The following MRTFB variants were observed in gnomAD, a reference collection of about 807,000 sequenced individuals.
The protein encoded by MRTFB is myocardin-related transcription factor B.
In MRTFB, 29 loss-of-function variants were observed where a neutral mutation model predicts 104.2. The ratio of observed to expected loss-of-function variants is 0.28; its 90% CI spans 0.21 to 0.38. The LOEUF (loss-of-function observed/expected upper bound fraction) is 0.38, where lower values mean the gene tolerates loss of function less well. Among genes scored for constraint, MRTFB ranks in the 10% least tolerant of loss-of-function variants. The pLI is 1.00. For synonymous variants in MRTFB, 535 were observed against 519.5 expected, an observed-to-expected ratio of 1.03 and a Z score of -0.41; for missense variants, 1,270 against 1,341.6, an observed-to-expected ratio of 0.95 and a Z score of 0.83.
In MRTFB at chr16:14,247,218, C is replaced by T. The variant is rs1293272338; in HGVS notation, c.1958C>T (p.Pro653Leu). Residue 653 changes from proline to leucine, a missense_variant, in exon 12 of 17, where the codon CCC becomes CTC. This residue lies in a region of MRTFB where 1,144 missense variants were observed against 1,131.5 expected (regional missense o/e 1.01). Transcript: ENST00000571589. ...SLPDCSSSRQ[P>L]IPVASHAVGQ... The stretch of plus-strand genomic sequence containing the variant: ...CCTGACTGCTCCAGCTCCAGGCAGC[C>T]CATCCCAGTAGCCAGCCACGCTGTA... The T allele has an allele frequency of 1.2e-6, 2 of 1,614,194 alleles. No individual in the cohort carries two copies. The highest frequency in any genetic ancestry group is 8.5e-7 in the Non-Finnish European group (1 of 1,180,048).
chr16:14,121,938 T>C (rs1455528204), intron 2 of MRTFB, among the ~76,000 whole-genome samples: 4 of 152,244 alleles, frequency 2.6e-5, no homozygotes, highest in Admixed American at 1.3e-4. Flanking sequence ...GAGTAGCTAC[T>C]GTATGGTACA....
At chr16:14,187,141 C>T (rs370031766) in intron 3 of MRTFB, 1 of 859,820 alleles carries the variant, frequency 1.2e-6, no homozygotes. Flanking sequence ...TCTCTGTTCA[C>T]TCATGTACCT....
rs142379759 is a variant in MRTFB, at chr16:14,197,855, G to A, written c.155-12388G>A. Reference sequence around the variant, plus strand: ...TATGGTGGTGAGAGGGGCCAGCCAGGGGTGGGTAGGAAATAAGAAATGTGA... The same window carrying A: ...TATGGTGGTGAGAGGGGCCAGCCAGAGGTGGGTAGGAAATAAGAAATGTGA... On this transcript the variant is annotated intron_variant, in intron 3 of 16. Transcript: ENST00000571589. 4.7e-3 allele frequency among the ~76,000 whole-genome samples: 718 copies of A among 152,250 alleles called. 2 individuals carry two copies. The highest frequency in any genetic ancestry group is 7.7e-3 in the Non-Finnish European group (525 of 68,018).
At chr16:14,259,608 G>A (rs1162516176) in intron 16 of MRTFB, among the ~76,000 whole-genome samples, 2 of 152,080 alleles carry the variant, frequency 1.3e-5, no homozygotes. Context: ...CAATTAGCTG[G>A]GCATGGTGGA....
Position 14,249,091 on chromosome 16 carries a change from T to G in MRTFB, c.2403+10T>G, listed in dbSNP as rs752824216. On this transcript the variant is annotated intron_variant, in intron 13 of 16. Coordinates refer to ENST00000571589, the MANE Select transcript of MRTFB (RefSeq NM_001308142.2). ...TCAACAAGTCAGAAAGGTTTGTAAA[T>G]GCCAAGGAGCAATAGAATGTCGCTG... is the stretch of plus-strand genomic sequence containing the variant. 6.2e-7 allele frequency: 1 copy of G among 1,612,778 alleles called. No individual in the cohort carries two copies. The highest frequency in any genetic ancestry group is 8.5e-7 in the Non-Finnish European group (1 of 1,179,646).
chr16:14,216,361 T>C (rs1372468585), intron 6 of MRTFB, among the ~76,000 whole-genome samples: 1 of 152,256 alleles, frequency 6.6e-6, no homozygotes, highest in Non-Finnish European at 1.5e-5. Flanking sequence ...CATCATTATT[T>C]TTCATCATTT....
chr16:14,090,908 G>GTGTGTGTA (rs2035020920), intron 2 of MRTFB, among the ~76,000 whole-genome samples: 2 of 151,838 alleles, frequency 1.3e-5, no homozygotes, highest in Admixed American at 6.6e-5. Context: ...GTGTGTGTGT[G>GTGTGTGTA]TGTGTGTGTG....
At chr16:14,110,876 C>G (rs2036236113) in intron 2 of MRTFB, among the ~76,000 whole-genome samples, 1 of 152,166 alleles carries the variant, frequency 6.6e-6, no homozygotes. Context: ...CTGTCCCGTC[C>G]CATCTCATGC....
At chr16:14,181,835 T>C (rs533124430) in intron 3 of MRTFB, among the ~76,000 whole-genome samples, 272 of 152,318 alleles carry the variant, frequency 1.8e-3, no homozygotes, top group Non-Finnish European at 3.2e-3. Flanking sequence ...CTGAAGACTT[T>C]CTTGGATTGT....
In MRTFB at chr16:14,140,768, C is replaced by A. The variant is rs1884869903; in HGVS notation, c.154+8C>A. 1 of 1,614,006 alleles carries A rather than the reference C, an allele frequency of 6.2e-7. No individual in the cohort carries two copies. On this transcript the variant is annotated splice_region_variant and intron_variant, in intron 3 of 16. Coordinates refer to ENST00000571589, the MANE Select transcript of MRTFB (RefSeq NM_001308142.2). ...TGAACGAAAGGAAAAATGGTGAGTTCAGCATGTGCAATGGGATCTTTGATT... is the reference window on the plus strand; with the variant it reads ...TGAACGAAAGGAAAAATGGTGAGTTAAGCATGTGCAATGGGATCTTTGATT...
the MRTFB span, among the ~76,000 whole-genome samples, chr16:13,998,710 A>G: frequency 6.6e-6 from 1 of 151,390 alleles, no homozygotes; most frequent in Admixed American, 6.6e-5. Context: ...AAGAAGGAAG[A>G]CAGAAGACAG....
the MRTFB span, among the ~76,000 whole-genome samples, chr16:14,018,048 C>T: frequency 6.4e-4 from 97 of 151,958 alleles, no homozygotes; most frequent in African/African-American, 2.3e-3. Flanking sequence ...ATGAAAGCTT[C>T]CTTTCCAAGA....
the MRTFB span, among the ~76,000 whole-genome samples, chr16:14,019,763 C>T: frequency 2.6e-5 from 4 of 152,122 alleles, no homozygotes; most frequent in African/African-American, 4.8e-5. Flanking sequence ...CTGCGAACAG[C>T]GTTAATCGAT....
chr16:14,118,846 CTG>C (rs2036685644), intron 2 of MRTFB, among the ~76,000 whole-genome samples: 2 of 151,830 alleles, frequency 1.3e-5, no homozygotes, highest in African/African-American at 2.4e-5. Flanking sequence ...TGGTATCATA[CTG>C]TGTATATATT....
intron 9 of MRTFB, among the ~76,000 whole-genome samples, chr16:14,238,166 G>A (rs2042605109): frequency 6.6e-6 from 1 of 152,248 alleles, no homozygotes; most frequent in Non-Finnish European, 1.5e-5. Context: ...AGGTTGCTAG[G>A]GGTATCTAAT....
intron 2 of MRTFB, among the ~76,000 whole-genome samples, chr16:14,083,158 C>T (rs1179975655): frequency 2.0e-5 from 3 of 149,834 alleles, no homozygotes; most frequent in African/African-American, 2.5e-5. Context: ...TCAGATAGTT[C>T]GTTGTTAGTA....
chr16:14,160,691 A>G (rs1159321279), intron 3 of MRTFB, among the ~76,000 whole-genome samples: 1 of 152,164 alleles, frequency 6.6e-6, no homozygotes, highest in Non-Finnish European at 1.5e-5. Context: ...TCTGAGGAAA[A>G]AAAAAAGCTT....
At chr16:14,008,886 C>T in the MRTFB span, among the ~76,000 whole-genome samples, 303 of 141,458 alleles carry the variant, frequency 2.1e-3, 1 homozygote, top group Non-Finnish European at 2.5e-3. Flanking sequence ...TGTAAAAAGC[C>T]TCATACTTCT....
intron 15 of MRTFB, 106 bp from the exon 16 acceptor site, chr16:14,257,995 G>C (rs529011246): frequency 1.6e-4 from 148 of 953,930 alleles, no homozygotes; most frequent in Middle Eastern, 2.2e-4. Context: ...AAATTATCAC[G>C]ATAGATTAGA....
Sources: allele counts gnomAD v4.1 joint callset (sites outside exome capture counted in the v4.1 genomes callset), GRCh38; gene constraint gnomAD v4.1.1; regional missense constraint gnomAD v4.1.1; transcripts MANE v1.5; gene names NCBI Gene and HGNC (gene_info 2026-07-23, HGNC 2026-07-21).